The following STAM variants were observed in gnomAD, a reference collection of about 807,000 sequenced individuals.
The protein encoded by STAM is signal transducing adapter molecule 1.
In STAM, 16 loss-of-function variants were observed where a neutral mutation model predicts 63.4. The ratio of observed to expected loss-of-function variants is 0.25; its 90% CI spans 0.17 to 0.38. The LOEUF is 0.38. Among genes scored for constraint, STAM ranks in the 10% least tolerant of loss-of-function variants. The pLI, the probability that STAM is intolerant of heterozygous loss-of-function variation, is 1.00. For synonymous variants in STAM, 238 were observed against 223.9 expected, an observed-to-expected ratio of 1.06 and a Z score of -0.56; for missense variants, 636 against 657.1, an observed-to-expected ratio of 0.97 and a Z score of 0.35.
chr10:17,694,928 G>A (rs1835689538), intron 6 of STAM, 121 bp from the exon 7 acceptor site: 4 of 844,760 alleles, frequency 4.7e-6, no homozygotes, highest in Non-Finnish European at 7.1e-6. Context: ...ATCAGGATAT[G>A]TTCTAGTTTC....
At chr10:17,704,821 T>C (rs1452027200) in intron 10 of STAM, 149 bp from the exon 11 acceptor site, 4 of 677,512 alleles carry the variant, frequency 5.9e-6, no homozygotes, top group Non-Finnish European at 9.6e-6. Flanking sequence ...GAAAATCAAT[T>C]TTGGGTTCTG....
At chr10:17,684,774 T>C (rs374402428) in intron 3 of STAM, 24 bp downstream of exon 3, 201 of 1,613,616 alleles carry the variant, frequency 1.2e-4, no homozygotes, top group Non-Finnish European at 1.6e-4. Context: ...TTTTAATCTG[T>C]ACCACGAAAT....
intron 2 of STAM, among the ~76,000 whole-genome samples, chr10:17,669,399 C>A (rs1275131385): frequency 6.7e-6 from 1 of 149,522 alleles, no homozygotes. Context: ...TATTCTTTCC[C>A]CTTCCTACTC....
intron 1 of STAM, among the ~76,000 whole-genome samples, chr10:17,648,942 A>G (rs1028829670): frequency 2.0e-5 from 3 of 152,274 alleles, no homozygotes; most frequent in Middle Eastern, 3.4e-3. Context: ...CAGGCTTCTT[A>G]AATCTGAACG....
chr10:17,695,766 A>T (rs1554827398), intron 7 of STAM: 1 of 152,284 alleles, frequency 6.6e-6, no homozygotes, highest in Admixed American at 6.5e-5. Context: ...CTGATAATGA[A>T]GTATTAAAAT....
chr10:17,648,287 G>A (rs1164251769), intron 1 of STAM, among the ~76,000 whole-genome samples: 3 of 152,156 alleles, frequency 2.0e-5, no homozygotes, highest in African/African-American at 7.2e-5. Context: ...GTAGCTAGCT[G>A]GAGGTTTGTA....
In STAM at chr10:17,688,041, A is replaced by T. The variant is rs148504353; in HGVS notation, c.312A>T (p.Val104=). 1.3e-6 allele frequency: 2 copies of T among 1,594,474 alleles called. No homozygotes were observed. Among genetic ancestry groups the T allele is most frequent in the African/African-American group, 2.7e-5 (2 of 73,904 alleles). ...SNVLNKGHPK[V]CEKLKALMVE... is the part of the protein sequence containing the mutation. ...CTATTTTACAGGGTCATCCTAAAGT[A>T]TGTGAAAAATTAAAGGCTCTTATGG... The change falls in exon 5 of 14, where the codon GTA becomes GTT. Residue 104 remains valine (V), a synonymous_variant. Transcript: ENST00000377524.
Position 17,664,366 on chromosome 10 carries a change from C to G in STAM, c.125+3818C>G, listed in dbSNP as rs575505588. Among the ~76,000 whole-genome samples, 3 of 152,202 alleles carry G rather than the reference C, an allele frequency of 2.0e-5. No individual in the cohort carries two copies. In the South Asian group the frequency reaches 6.2e-4, roughly 32 times the overall value. On this transcript the variant is annotated intron_variant, in intron 2 of 13. Coordinates refer to ENST00000377524, the MANE Select transcript of STAM (RefSeq NM_003473.4). ...TACTCACATGCCCGCTGTCTGTCTC[C>G]AGAACTTATCCATCATCCCAAACTG...
At position 17,650,168 on chromosome 10, in the gene STAM, G is replaced by A. The variant is rs12262555; in HGVS notation, c.40+5789G>A. 5.2e-3 allele frequency among the ~76,000 whole-genome samples: 786 copies of A among 152,272 alleles called. 3 individuals are homozygous for A. Among genetic ancestry groups the A allele is most frequent in the African/African-American group, 0.018 (757 of 41,546 alleles). ...TTAAATGTTAATGTCACATTCTCCT[G>A]AAGTGTGATATGATAGAAAGACCTT... On this transcript the variant is annotated intron_variant, in intron 1 of 13. Coordinates refer to ENST00000377524, the MANE Select transcript of STAM (RefSeq NM_003473.4).
chr10:17,646,532 TTAA>T (rs767867954), intron 1 of STAM, among the ~76,000 whole-genome samples: 17 of 152,354 alleles, frequency 1.1e-4, no homozygotes, highest in African/African-American at 1.4e-4. Flanking sequence ...TAGGAGGTGT[TTAA>T]TAATGTTTGT....
At chr10:17,673,980 C>G (rs1032367725) in intron 2 of STAM, among the ~76,000 whole-genome samples, 2 of 151,972 alleles carry the variant, frequency 1.3e-5, no homozygotes, top group African/African-American at 2.4e-5. Flanking sequence ...GATGAGTAAG[C>G]GTTGACTAAG....
At chr10:17,684,083 G>A (rs1052901012) in intron 2 of STAM, among the ~76,000 whole-genome samples, 13 of 152,072 alleles carry the variant, frequency 8.5e-5, no homozygotes, top group East Asian at 1.9e-4. Context: ...CTGTGTGAGC[G>A]TTGGATCTCT....
At chr10:17,660,945 A>G (rs1486157928) in intron 2 of STAM, among the ~76,000 whole-genome samples, 2 of 152,110 alleles carry the variant, frequency 1.3e-5, no homozygotes, top group Non-Finnish European at 2.9e-5. Context: ...TTCTTCTGGA[A>G]TCTCATTTTT....
At chr10:17,713,526 A>G (rs557586194) in intron 13 of STAM, among the ~76,000 whole-genome samples, 26 of 151,960 alleles carry the variant, frequency 1.7e-4, no homozygotes, top group African/African-American at 6.3e-4. Context: ...CCCCGAGTCT[A>G]CTATGGTCCC....
intron 2 of STAM, among the ~76,000 whole-genome samples, chr10:17,674,001 C>T (rs1019656031): frequency 6.7e-6 from 1 of 149,784 alleles, no homozygotes; most frequent in Admixed American, 6.7e-5. Context: ...AACAGCAGGG[C>T]GGGAGAGTCC....
intron 2 of STAM, among the ~76,000 whole-genome samples, chr10:17,662,592 G>A (rs1483375075): frequency 6.6e-6 from 1 of 152,198 alleles, no homozygotes; most frequent in Admixed American, 6.5e-5. Context: ...TGGGAAAGAA[G>A]CAAATAGCTT....
chr10:17,679,103 A>T (rs1455238308), intron 2 of STAM, among the ~76,000 whole-genome samples: 1 of 152,122 alleles, frequency 6.6e-6, no homozygotes, highest in Non-Finnish European at 1.5e-5. Flanking sequence ...TCCCAGCTGG[A>T]TTATATGTGG....
intron 2 of STAM, among the ~76,000 whole-genome samples, chr10:17,675,348 A>G (rs1834804276): frequency 6.6e-6 from 1 of 152,110 alleles, no homozygotes; most frequent in Non-Finnish European, 1.5e-5. Context: ...CACTAAAAAT[A>G]AAAAAATCAG....
intron 2 of STAM, among the ~76,000 whole-genome samples, chr10:17,660,840 T>A (rs541680567): frequency 1.2e-4 from 19 of 152,220 alleles, no homozygotes; most frequent in Non-Finnish European, 2.1e-4. Context: ...TTAAAAAGAT[T>A]TGAAGAATCA....
Sources: allele counts gnomAD v4.1 joint callset (sites outside exome capture counted in the v4.1 genomes callset), GRCh38; gene constraint gnomAD v4.1.1; transcripts MANE v1.5; gene names NCBI Gene and HGNC (gene_info 2026-07-23, HGNC 2026-07-21).